CTU2: variants seen among roughly 807,000 people sequenced by gnomAD.
CTU2 encodes the protein cytoplasmic tRNA 2-thiolation protein 2.
A neutral mutation model predicts 64.1 loss-of-function variants in CTU2; 80 were observed. The observed-to-expected ratio is 1.25, with a 90% CI of 1.04 to 1.50. The LOEUF (loss-of-function observed/expected upper bound fraction) is 1.50, where lower values mean the gene tolerates loss of function less well. Among genes scored for constraint, CTU2 ranks in the 40% most tolerant of loss-of-function variants. The pLI, the probability that CTU2 is intolerant of heterozygous loss-of-function variation, is 0.00. For synonymous variants in CTU2, 482 were observed against 285.3 expected (o/e 1.69, Z -6.95); for missense variants, 1,110 against 690.2 (o/e 1.61, Z -6.81).
At chr16:88,711,321 C>T (rs371490380) in intron 4 of CTU2, among the ~76,000 whole-genome samples, 37 of 152,202 alleles carry the variant, frequency 2.4e-4, no homozygotes, top group African/African-American at 8.4e-4. Flanking sequence ...GGGATGGTGG[C>T]ACAGTGGCCC....
At position 88,714,196 on chromosome 16, in the gene CTU2, C is replaced by T. The variant is rs1911651406; in HGVS notation, c.1066C>T (p.Gln356Ter). ...GGCCTTCATCCTCAGGCTGCAGACC[C>T]AGTTCCCCTCCACTGTCAGCACTGT... Reference protein sequence around the residue: ...MEAFILRLQTQFPSTVSTVYR... With the variant: ...MEAFILRLQT Residue 356 changes from glutamine to a stop codon, truncating the protein, a stop_gained, in exon 10 of 15, where the codon CAG becomes TAG. Transcript: ENST00000453996. LOFTEE classifies it high-confidence loss of function. 6.8e-6 allele frequency: 11 copies of T among 1,612,036 alleles called. No individual in the cohort carries two copies. Among genetic ancestry groups the T allele is most frequent in the Non-Finnish European group, 8.5e-6 (10 of 1,179,810 alleles).
rs761616846 is a variant in CTU2 at position 88,712,416 on chromosome 16, A to C, written c.453+33A>C. On this transcript the variant is annotated intron_variant, in intron 6 of 14. Coordinates refer to ENST00000453996, the MANE Select transcript of CTU2 (RefSeq NM_001012759.3). ...GGCTGTCCCTGGAAAGGGGTCCCGG[A>C]GGTGACCCCTGGGGGGCACCTGCCC... is the stretch of plus-strand genomic sequence containing the variant. 55 of 1,538,270 alleles carry C rather than the reference A, an allele frequency of 3.6e-5. No homozygotes were observed. The East Asian group carries it at 1.3e-3, about 36-fold the overall frequency.
At position 88,712,262 on chromosome 16, in the gene CTU2, T is replaced by C; in HGVS notation, c.344-12T>C. ...TCTCTGAGCCCTGACTCTTTCTGCC[T>C]GGGTTTTTCAGAGGGAGCAGCCTGT... On this transcript the variant is annotated splice_polypyrimidine_tract_variant and intron_variant, in intron 5 of 14. Transcript: ENST00000453996. The C allele has an allele frequency of 6.3e-7, 1 of 1,586,086 alleles. No individual in the cohort carries two copies.
Position 88,710,282 on chromosome 16 carries a change from G to A in CTU2, c.282G>A (p.Glu94=). Reference sequence around the variant, plus strand: ...GCTCCATGGTCTGGCAGGTTCTTGAGGTGCGTGTTCACCACCCCGTGGGCC... The same window carrying A: ...GCTCCATGGTCTGGCAGGTTCTTGAAGTGCGTGTTCACCACCCCGTGGGCC... ...SSSSMVWQVL[E]GLSQDSAKRL... Residue 94 remains glutamate (E), a splice_region_variant and synonymous_variant, in exon 4 of 15, where the codon GAG becomes GAA. Coordinates refer to ENST00000453996, the MANE Select transcript of CTU2 (RefSeq NM_001012759.3). 1 of 1,614,002 alleles carries A rather than the reference G, an allele frequency of 6.2e-7. No homozygotes were observed. The highest frequency in any genetic ancestry group is 1.3e-5 in the African/African-American group (1 of 75,054).
intron 1 of CTU2, 29 bp downstream of exon 1, chr16:88,706,627 C>A (rs1049204137): frequency 1.5e-6 from 2 of 1,365,138 alleles, no homozygotes; most frequent in Non-Finnish European, 1.9e-6. Flanking sequence ...ACCCGCCAGG[C>A]CGCCCCTCGC....
chr16:88,715,135 TG>T (rs764264470), intron 14 of CTU2, 29 bp downstream of exon 14: 10 of 1,605,272 alleles, frequency 6.2e-6, no homozygotes, highest in Non-Finnish European at 6.0e-6. Context: ...CCGTGGCGCG[TG>T]GGTAAGGGGC....
rs532642360 is a variant in CTU2 at position 88,711,581 on chromosome 16, A to G, written c.283-54A>G. 3.6e-5 allele frequency: 54 copies of G among 1,506,832 alleles called. No homozygotes were observed. The East Asian group carries it at 1.2e-3, about 32-fold the overall frequency. The allele number at this position is 1,506,832 out of a possible 1,614,324, so 93.3% of individuals were successfully genotyped here. On this transcript the variant is annotated intron_variant, in intron 4 of 14. Coordinates refer to ENST00000453996, the MANE Select transcript of CTU2 (RefSeq NM_001012759.3). ...AGATGAAGAATGTTCTGAGCTGGAAAAGTGTCCTGTGGCTTATGGCTGGGG... is the reference window on the plus strand; with the variant it reads ...AGATGAAGAATGTTCTGAGCTGGAAGAGTGTCCTGTGGCTTATGGCTGGGG...
At chr16:88,715,127 G>T (rs199639441) in intron 14 of CTU2, 21 bp downstream of exon 14, 7 of 1,602,566 alleles carry the variant, frequency 4.4e-6, no homozygotes, top group Non-Finnish European at 6.0e-6. Flanking sequence ...CCACACTGCC[G>T]TGGCGCGTGG....
chr16:88,707,243 A>G (rs765854267), intron 2 of CTU2, 33 bp downstream of exon 2: 9 of 1,599,476 alleles, frequency 5.6e-6, no homozygotes, highest in Non-Finnish European at 6.9e-6. Flanking sequence ...ACCCTGGCAA[A>G]CATGGCCTCG....
chr16:88,712,598 C>G (rs1911422154), intron 6 of CTU2, 24 bp from the exon 7 acceptor site: 1 of 1,602,724 alleles, frequency 6.2e-7, no homozygotes, highest in Non-Finnish European at 8.5e-7. Context: ...CCGGGCCTCA[C>G]TGGCGTCTCC....
Position 88,715,090 on chromosome 16 carries a change from C to G in CTU2, c.1462C>G (p.Gln488Glu), listed in dbSNP as rs1911844178. The G allele has an allele frequency of 6.3e-7, 1 of 1,579,526 alleles. No individual in the cohort carries two copies. Among genetic ancestry groups the G allele is most frequent in the East Asian group, 2.2e-5 (1 of 44,510 alleles). The change falls in exon 14 of 15, where the codon CAG (glutamine) becomes GAG (glutamate). Residue 488 changes from glutamine to glutamate, a missense_variant. By Grantham distance (29) the Gln-to-Glu change is conservative (BLOSUM62 2). Coordinates refer to ENST00000453996, the MANE Select transcript of CTU2 (RefSeq NM_001012759.3). ...GCCGCCGTACATCCTGGCTGAGGCC[C>G]AGCTCCGCACACAGAGGTACTGGGG... The part of the protein sequence containing the change: ...PLPPYILAEA[Q>E]LRTQRAWGLQ...
In CTU2 at chr16:88,714,644, C is replaced by G. The variant is rs200481486; in HGVS notation, c.1259C>G (p.Pro420Arg). The change falls in exon 12 of 15, where the codon CCC becomes CGC. Residue 420 changes from proline (P) to arginine (R), a missense_variant. Physicochemically the swap from Pro to Arg is moderately radical, Grantham distance 103. Coordinates refer to ENST00000453996, the MANE Select transcript of CTU2 (RefSeq NM_001012759.3). ...TCGCGTCTCTCCCAGATGCAGTCAC[C>G]CATCCCCCTGACTGAGACCCGGACA... Reference protein sequence around the residue: ...TSSRLSQMQSPIPLTETRTPP... With the variant: ...TSSRLSQMQSRIPLTETRTPP... The G allele has an allele frequency of 1.9e-6, 3 of 1,612,590 alleles. No homozygotes were observed. Among genetic ancestry groups the G allele is most frequent in the Non-Finnish European group, 2.5e-6 (3 of 1,179,850 alleles).
At position 88,710,209 on chromosome 16, in the gene CTU2, T is replaced by G; in HGVS notation, c.223-14T>G. ...GGAGGTGCGGTGCCCTGAGTGATGT[T>G]TTTTCTCCCCCAGGTGCTCTTGGCG... On this transcript the variant is annotated splice_polypyrimidine_tract_variant and intron_variant, in intron 3 of 14. Coordinates refer to ENST00000453996, the MANE Select transcript of CTU2 (RefSeq NM_001012759.3). The G allele has an allele frequency of 6.2e-7, 1 of 1,613,944 alleles. No homozygotes were observed.
chr16:88,710,032 T>TG lies in CTU2; in HGVS notation c.222+21dup. 3.1e-6 allele frequency: 5 copies of TG among 1,613,290 alleles called. No individual in the cohort carries two copies. Among genetic ancestry groups the TG allele is most frequent in the Non-Finnish European group, 4.2e-6 (5 of 1,179,468 alleles). On this transcript the variant is annotated intron_variant, in intron 3 of 14. Coordinates refer to ENST00000453996, the MANE Select transcript of CTU2 (RefSeq NM_001012759.3). ...AGGCGAGAAGGTAGCGTCTGGGTCC[T>TG]GGGGGTCTGACTGAGCAGCCTGGCC...
At chr16:88,707,291 T>A in intron 2 of CTU2, 81 bp downstream of exon 2, 1 of 1,277,768 alleles carries the variant, frequency 7.8e-7, no homozygotes, top group Non-Finnish European at 1.1e-6. Context: ...GATGCTTTGT[T>A]AATTCTTTTT....
rs1425651247 is a variant in CTU2, at chr16:88,714,799, AC to A, written c.1353-57del. 20 of 1,610,010 alleles carry A rather than the reference AC, an allele frequency of 1.2e-5. No individual in the cohort carries two copies. The African/African-American group carries it at 2.5e-4, about 20-fold the overall frequency. On this transcript the variant is annotated intron_variant, in intron 12 of 14. Coordinates refer to ENST00000453996, the MANE Select transcript of CTU2 (RefSeq NM_001012759.3). ...TGGGGCGGGAGGGGGACCTGTCCTT[AC>A]CCCACACTGCACGGCATTGAGGTGC...
At position 88,712,055 on chromosome 16, in the gene CTU2, C is replaced by T. The variant is rs753113148; in HGVS notation, c.344-219C>T. ...GGGGCCGACTCCCCGACCCTTGCTCCTGCAGAACGAACTCCTGGGGTGTTG... is the reference window on the plus strand; with the variant it reads ...GGGGCCGACTCCCCGACCCTTGCTCTTGCAGAACGAACTCCTGGGGTGTTG... On this transcript the variant is annotated intron_variant, in intron 5 of 14. Transcript: ENST00000453996. The T allele has an allele frequency of 4.5e-5, 31 of 682,958 alleles. No homozygotes were observed. The African/African-American group carries it at 5.1e-4, about 11-fold the overall frequency. 42.3% of individuals were successfully genotyped at this position (682,958 alleles called of 1,614,324 possible).
In CTU2 at chr16:88,710,280, G is replaced by T. The variant is rs747681590; in HGVS notation, c.280G>T (p.Glu94Ter). Residue 94 changes from glutamate to a stop codon, truncating the protein, a stop_gained and splice_region_variant, in exon 4 of 15, where the codon GAG becomes TAG. Transcript: ENST00000453996. LOFTEE classifies it high-confidence loss of function. Reference protein sequence around the residue: ...SSSSMVWQVLEGLSQDSAKRL... With the variant: ...SSSSMVWQVL ...CAGCTCCATGGTCTGGCAGGTTCTT[G>T]AGGTGCGTGTTCACCACCCCGTGGG... The T allele has an allele frequency of 6.2e-7, 1 of 1,614,004 alleles. No homozygotes were observed. Among genetic ancestry groups the T allele is most frequent in the East Asian group, 2.2e-5 (1 of 44,890 alleles).
intron 3 of CTU2, 79 bp from the exon 4 acceptor site, chr16:88,710,144 A>T (rs1296148947): frequency 6.0e-5 from 95 of 1,576,734 alleles, no homozygotes; most frequent in Non-Finnish European, 8.0e-5. Flanking sequence ...GACAGACTCG[A>T]TGTCCTAGAT....
Sources: allele counts gnomAD v4.1 joint callset (sites outside exome capture counted in the v4.1 genomes callset), GRCh38; gene constraint gnomAD v4.1.1; transcripts MANE v1.5; gene names NCBI Gene and HGNC (gene_info 2026-07-23, HGNC 2026-07-21).